HDGF: variants seen among roughly 807,000 people sequenced by gnomAD.
The protein encoded by HDGF is hepatoma-derived growth factor.
In HDGF, 5 loss-of-function variants were observed where a neutral mutation model predicts 30.0. The ratio of observed to expected loss-of-function variants is 0.17; its 90% CI spans 0.09 to 0.35. The LOEUF (loss-of-function observed/expected upper bound fraction) is 0.35, where lower values mean the gene tolerates loss of function less well. Among genes scored for constraint, HDGF ranks in the 10% least tolerant of loss-of-function variants. The pLI is 1.00. For synonymous variants in HDGF, 133 were observed against 112.7 expected (o/e 1.18, Z -1.14); for missense variants, 214 against 302.8 (o/e 0.71, Z 2.18).
chr1:156,753,081 G>A (rs1651069865), upstream of HDGF, among the ~76,000 whole-genome samples: 1 of 152,212 alleles, frequency 6.6e-6, no homozygotes, highest in South Asian at 2.1e-4. Context: ...AACAACAGAG[G>A]CATAGAATGG....
intron 1 of HDGF, among the ~76,000 whole-genome samples, chr1:156,746,753 T>G (rs1268140991): frequency 1.3e-5 from 2 of 152,160 alleles, no homozygotes; most frequent in African/African-American, 4.8e-5. Flanking sequence ...CCAGCAGCAC[T>G]TGCAGCAGCC....
chr1:156,754,791 A>C (rs939596215), upstream of HDGF, among the ~76,000 whole-genome samples: 2 of 152,090 alleles, frequency 1.3e-5, no homozygotes, highest in African/African-American at 4.8e-5. Context: ...TAAAAATACA[A>C]AATAAAAATT....
chr1:156,755,823 A>G (rs1651146085), upstream of HDGF, among the ~76,000 whole-genome samples: 1 of 152,214 alleles, frequency 6.6e-6, no homozygotes, highest in Non-Finnish European at 1.5e-5. Flanking sequence ...TGGGCTGTAG[A>G]GATAACAGTC....
chr1:156,756,103 T>G (rs1651150779), upstream of HDGF, among the ~76,000 whole-genome samples: 1 of 152,018 alleles, frequency 6.6e-6, no homozygotes, highest in African/African-American at 2.4e-5. Flanking sequence ...AATACAAAAA[T>G]TAGCTGGGTG....
upstream of HDGF, chr1:156,751,959 G>T: frequency 7.5e-7 from 1 of 1,335,844 alleles, no homozygotes; most frequent in Non-Finnish European, 1.0e-6. The surrounding 1 kb of genome is among the most constrained non-coding windows in gnomAD (Gnocchi z 4.7). Context: ...GTCGGTGGGT[G>T]CCCGCCCGCC....
chr1:156,751,970 C>T (rs1049873283), upstream of HDGF: 1 of 1,446,824 alleles, frequency 6.9e-7, no homozygotes, highest in Non-Finnish European at 9.4e-7. The surrounding 1 kb of genome is among the most constrained non-coding windows in gnomAD (Gnocchi z 4.7). Context: ...CCCGCCCGCC[C>T]GGGAGGAGCT....
At chr1:156,764,001 G>A (rs947578567) in intron 1 of HDGF, among the ~76,000 whole-genome samples, 28 of 151,960 alleles carry the variant, frequency 1.8e-4, no homozygotes, top group African/African-American at 6.3e-4. Context: ...AGGCTCAAGC[G>A]ATCCTCCTCT....
chr1:156,756,032 C>G (rs375278357), upstream of HDGF, among the ~76,000 whole-genome samples: 3 of 152,326 alleles, frequency 2.0e-5, no homozygotes, highest in East Asian at 5.8e-4. Context: ...GGGCAGATCA[C>G]TTGAAGTCAG....
rs1444673071 is a variant in HDGF at position 156,742,630 on chromosome 1, G to A, written c.*819C>T. ...ACTATAAGCTGGCCTTGAGCACTGTGTGGAGAGGAAAAAGGACAGCTAGGA... is the reference window on the plus strand; with the variant it reads ...ACTATAAGCTGGCCTTGAGCACTGTATGGAGAGGAAAAAGGACAGCTAGGA... On this transcript the variant is annotated 3_prime_UTR_variant, in exon 6 of 6. Transcript: ENST00000357325. 2 of 153,008 alleles carry A rather than the reference G, an allele frequency of 1.3e-5. No homozygotes were observed. The highest frequency in any genetic ancestry group is 3.9e-4 in the East Asian group (2 of 5,194). 9.5% of individuals were successfully genotyped at this position (153,008 alleles called of 1,614,324 possible).
intron 2 of HDGF, among the ~76,000 whole-genome samples, chr1:156,757,786 CAAAA>C (rs60308399): frequency 1.2e-5 from 1 of 85,326 alleles, no homozygotes; most frequent in Non-Finnish European, 2.6e-5. Flanking sequence ...GACTCTGTCT[CAAAA>C]AAAAAAAAAA....
rs749240762 is a variant in HDGF, at chr1:156,751,312, G to C, written c.87+31C>G. On this transcript the variant is annotated intron_variant, in intron 1 of 5. Transcript: ENST00000357325. The surrounding 1 kb of genome is among the most constrained non-coding windows in gnomAD (Gnocchi z 4.7). ...GTGTTATGCAACCCAAGCCCGCAGG[G>C]GGTTAGGGGGCGGCGGGCCGCGCTG... 6.3e-7 allele frequency: 1 copy of C among 1,598,434 alleles called. No homozygotes were observed. Among genetic ancestry groups the C allele is most frequent in the South Asian group, 1.1e-5 (1 of 89,788 alleles).
At chr1:156,746,556 T>C (rs1366414484) in intron 1 of HDGF, among the ~76,000 whole-genome samples, 1 of 152,140 alleles carries the variant, frequency 6.6e-6, no homozygotes, top group Non-Finnish European at 1.5e-5. Flanking sequence ...CCTGACTAAA[T>C]CCCCCGCCCC....
At chr1:156,755,318 G>C (rs1298934505), upstream of HDGF, among the ~76,000 whole-genome samples, 1 of 152,148 alleles carries the variant, frequency 6.6e-6, no homozygotes, top group African/African-American at 2.4e-5. Context: ...TTTTATTTCT[G>C]TACGGATCAA....
upstream of HDGF, among the ~76,000 whole-genome samples, chr1:156,754,209 C>T (rs184321515): frequency 3.4e-3 from 525 of 152,348 alleles, 15 homozygotes; most frequent in Admixed American, 0.031. Context: ...CAACCGCGCC[C>T]GGCCAACAAA....
intron 1 of HDGF, among the ~76,000 whole-genome samples, chr1:156,747,642 G>A (rs982444115): frequency 6.6e-6 from 1 of 152,054 alleles, no homozygotes; most frequent in African/African-American, 2.4e-5. Flanking sequence ...CCAGAACCAG[G>A]GGTGGGGGTG....
At chr1:156,753,704 C>T (rs191851776), upstream of HDGF, among the ~76,000 whole-genome samples, 633 of 151,586 alleles carry the variant, frequency 4.2e-3, 9 homozygotes, top group African/African-American at 0.014. Context: ...GTGTGTGCCA[C>T]CACGCCCGGC....
At chr1:156,746,605 G>C (rs1204182731) in intron 1 of HDGF, among the ~76,000 whole-genome samples, 1 of 152,216 alleles carries the variant, frequency 6.6e-6, no homozygotes, top group Non-Finnish European at 1.5e-5. Flanking sequence ...GTGAAGGTGA[G>C]AGGTGCAGAA....
upstream of HDGF, chr1:156,755,744 A>C (rs1485702621): frequency 6.6e-6 from 1 of 152,162 alleles, no homozygotes; most frequent in Non-Finnish European, 1.5e-5. Context: ...ACTTCCACCC[A>C]CGCCACCCAA....
chr1:156,761,580 G>T (rs939717831), intron 1 of HDGF, among the ~76,000 whole-genome samples: 5 of 151,026 alleles, frequency 3.3e-5, no homozygotes, highest in African/African-American at 1.2e-4. Context: ...CTGCACTCCA[G>T]CCTTGGCGAC....
Sources: gnomAD v4.1 joint callset for allele counts (sites outside exome capture counted in the v4.1 genomes callset) on GRCh38, gnomAD v4.1.1 for gene constraint, Gnocchi (gnomAD v3.1) non-coding constraint, MANE v1.5 for transcripts, NCBI Gene and HGNC (gene_info 2026-07-23, HGNC 2026-07-21) for gene names.